Variants in COX7B2 observed in about 807,000 individuals in gnomAD.
COX7B2 encodes cytochrome c oxidase subunit 7B2, mitochondrial.
For missense variants in COX7B2, 109 were observed against 95.9 expected, an observed-to-expected ratio of 1.14 and a Z score of -0.57; for synonymous variants, 37 against 32.1, an observed-to-expected ratio of 1.15 and a Z score of -0.51.
chr4:46,857,620 A>G (rs1013018543), intron 1 of COX7B2, among the ~76,000 whole-genome samples: 1 of 152,220 alleles, frequency 6.6e-6, no homozygotes, highest in Non-Finnish European at 1.5e-5. Flanking sequence ...TGCTTACAAA[A>G]TATTTTCACA....
At chr4:46,754,728 G>GTGTGTGTATATATATATATATATA (rs1333586285) in intron 2 of COX7B2, among the ~76,000 whole-genome samples, 1 of 39,866 alleles carries the variant, frequency 2.5e-5, no homozygotes, top group Non-Finnish European at 4.1e-5. Context: ...GTGTGTGTGT[G>GTGTGTGTATATATATATATATATA]TATATATATA....
intron 2 of COX7B2, among the ~76,000 whole-genome samples, chr4:46,748,144 G>A (rs1028497430): frequency 6.6e-6 from 1 of 152,118 alleles, no homozygotes; most frequent in Non-Finnish European, 1.5e-5. Context: ...TTCAATAGTA[G>A]CCATGCTTCA....
At chr4:46,826,623 A>G (rs1714711177) in intron 2 of COX7B2, among the ~76,000 whole-genome samples, 1 of 152,184 alleles carries the variant, frequency 6.6e-6, no homozygotes, top group Non-Finnish European at 1.5e-5. Flanking sequence ...ATGCCCATCA[A>G]TGACAGATTG....
At position 46,734,853 on chromosome 4, in the gene COX7B2, T is replaced by G. The variant is rs562719730; in HGVS notation, c.*94A>C. 8.8e-5 allele frequency: 125 copies of G among 1,413,338 alleles called. No individual in the cohort carries two copies. The African/African-American group carries it at 1.5e-3, about 17-fold the overall frequency. The allele number at this position is 1,413,338 out of a possible 1,614,324, so 87.5% of individuals were successfully genotyped here. A position where few individuals can be genotyped will look rare whatever the true frequency, so the allele number is the denominator to read the frequency against. Reference sequence around the variant, plus strand: ...TTTTAAAGATTTAAAACACATTTTATTTTTTCAATTGTGCTATATTTTAAT... The same window carrying G: ...TTTTAAAGATTTAAAACACATTTTAGTTTTTCAATTGTGCTATATTTTAAT... On this transcript the variant is annotated 3_prime_UTR_variant, in exon 3 of 3. Transcript: ENST00000355591.
At chr4:46,815,347 GAC>G in intron 2 of COX7B2, among the ~76,000 whole-genome samples, 1 of 152,216 alleles carries the variant, frequency 6.6e-6, no homozygotes, top group South Asian at 2.1e-4. Flanking sequence ...TCAATAAATT[GAC>G]ACAGAGTTGA....
chr4:46,863,297 T>C (rs1338757808), intron 1 of COX7B2, among the ~76,000 whole-genome samples: 1 of 152,164 alleles, frequency 6.6e-6, no homozygotes, highest in Non-Finnish European at 1.5e-5. Context: ...CAGGGTCTTG[T>C]ATGCTGAATT....
chr4:46,758,833 T>G (rs1037579534), intron 2 of COX7B2, among the ~76,000 whole-genome samples: 1 of 152,090 alleles, frequency 6.6e-6, no homozygotes, highest in Non-Finnish European at 1.5e-5. Context: ...AGGCCTAAGA[T>G]AGAAAATTTA....
At chr4:46,747,446 G>A (rs1379649263) in intron 2 of COX7B2, among the ~76,000 whole-genome samples, 3 of 152,052 alleles carry the variant, frequency 2.0e-5, no homozygotes, top group Non-Finnish European at 4.4e-5. Flanking sequence ...TGGGATTACA[G>A]GTGTGTGCCA....
At chr4:46,745,133 C>G (rs1229145191) in intron 2 of COX7B2, among the ~76,000 whole-genome samples, 2 of 152,156 alleles carry the variant, frequency 1.3e-5, no homozygotes, top group African/African-American at 4.8e-5. Context: ...GGGTCCAGTC[C>G]AGAAGTTAAT....
In COX7B2 at chr4:46,806,599, C is replaced by T. The variant is rs1046215271; in HGVS notation, c.-50+38361G>A. On this transcript the variant is annotated intron_variant, in intron 2 of 2. Transcript: ENST00000355591. ...CCTGTATACAATACAATTTTACTGC[C>T]TATAGTCATTATGCTGCACATTAGA... Among the ~76,000 whole-genome samples, 4 of 152,010 alleles carry T rather than the reference C, an allele frequency of 2.6e-5. No individual in the cohort carries two copies. The East Asian group carries it at 7.7e-4, about 29-fold the overall frequency.
At chr4:46,743,718 G>A (rs1048290718) in intron 2 of COX7B2, among the ~76,000 whole-genome samples, 1 of 152,132 alleles carries the variant, frequency 6.6e-6, no homozygotes, top group Non-Finnish European at 1.5e-5. Context: ...TCTTTGAGAG[G>A]GATGGCATGT....
intron 2 of COX7B2, among the ~76,000 whole-genome samples, chr4:46,774,008 T>A (rs1281678898): frequency 6.6e-6 from 1 of 152,156 alleles, no homozygotes; most frequent in African/African-American, 2.4e-5. Flanking sequence ...CTGACTCTGA[T>A]TTTCCAGAAT....
chr4:46,858,184 C>T (rs1367754508), intron 1 of COX7B2, among the ~76,000 whole-genome samples: 1 of 152,124 alleles, frequency 6.6e-6, no homozygotes, highest in Non-Finnish European at 1.5e-5. Flanking sequence ...ATCTCCACCT[C>T]CCAGGTTCAA....
At chr4:46,828,713 C>T (rs900331384) in intron 2 of COX7B2, among the ~76,000 whole-genome samples, 2 of 151,970 alleles carry the variant, frequency 1.3e-5, no homozygotes, top group African/African-American at 4.8e-5. Context: ...TAGAATAATT[C>T]AACATCATTT....
At chr4:46,803,732 CTTTTTTTT>C (rs5858039) in intron 2 of COX7B2, among the ~76,000 whole-genome samples, 8 of 123,260 alleles carry the variant, frequency 6.5e-5, no homozygotes, top group Non-Finnish European at 8.4e-5. Flanking sequence ...GGTTTACTTT[CTTTTTTTT>C]TTTTTTTTTT....
chr4:46,862,235 C>T (rs1226408716), intron 1 of COX7B2, among the ~76,000 whole-genome samples: 1 of 152,194 alleles, frequency 6.6e-6, no homozygotes, highest in African/African-American at 2.4e-5. Context: ...TACCCAAGTT[C>T]TATTCTATAG....
At chr4:46,749,133 T>C (rs1190223179) in intron 2 of COX7B2, among the ~76,000 whole-genome samples, 1 of 152,182 alleles carries the variant, frequency 6.6e-6, no homozygotes, top group Non-Finnish European at 1.5e-5. Flanking sequence ...GTAAGTGTGT[T>C]ACACTGCCTG....
intron 2 of COX7B2, among the ~76,000 whole-genome samples, chr4:46,794,330 T>C (rs1053111455): frequency 3.2e-4 from 49 of 152,246 alleles, no homozygotes; most frequent in African/African-American, 1.1e-3. Context: ...AGGATTATAA[T>C]TGGTTGGTTG....
chr4:46,789,111 A>C (rs1291016261), intron 2 of COX7B2, among the ~76,000 whole-genome samples: 1 of 152,178 alleles, frequency 6.6e-6, no homozygotes, highest in Non-Finnish European at 1.5e-5. Context: ...TAGTTACGAA[A>C]ACTTTACAGA....
Sources: gnomAD v4.1 joint callset for allele counts (sites outside exome capture counted in the v4.1 genomes callset) on GRCh38, gnomAD v4.1.1 for gene constraint, MANE v1.5 for transcripts, NCBI Gene and HGNC (gene_info 2026-07-23, HGNC 2026-07-21) for gene names.